Variants in ZNF320 observed in about 807,000 individuals in gnomAD.
The protein encoded by ZNF320 is zinc finger gene 320.
A neutral mutation model predicts 6.8 loss-of-function variants in ZNF320; 2 were observed. The ratio of observed to expected loss-of-function variants is 0.29; its 90% confidence interval spans 0.12 to 0.93. ZNF320 has a LOEUF of 0.93. Among genes scored for constraint, ZNF320 ranks in the 40% least tolerant of loss-of-function variants. The probability of loss-of-function intolerance (pLI) is 0.55; values close to 1 mark genes in which losing one functional copy is unlikely to be tolerated. For missense variants in ZNF320, 472 were observed against 611.0 expected, an observed-to-expected ratio of 0.77 and a Z score of 2.40; for synonymous variants, 208 against 203.2, an observed-to-expected ratio of 1.02 and a Z score of -0.20.
upstream of ZNF320, among the ~76,000 whole-genome samples, chr19:52,901,147 T>G (rs1262026748): frequency 6.6e-6 from 1 of 152,198 alleles, no homozygotes; most frequent in Middle Eastern, 3.2e-3. Context: ...CACATCAGGT[T>G]GGTTATTCCT....
At position 52,879,128 on chromosome 19, in the gene ZNF320, T is replaced by C. The variant is rs10415603; in HGVS notation, c.*1468A>G. On this transcript the variant is annotated 3_prime_UTR_variant, in exon 6 of 6. Coordinates refer to ENST00000682928, the MANE Select transcript of ZNF320 (RefSeq NM_001351774.2). ...TCAGACATGTTATAACGGATTTGTA[T>C]CAGTTTATCTTGGTGCAAAAAATGT... 1 allele frequency: 152,332 copies of C among 152,386 alleles called. 76,140 individuals are homozygous for C. The highest frequency in any genetic ancestry group is 1 in the Middle Eastern group (294 of 294). The allele number at this position is 152,386 out of a possible 1,614,324, so 9.4% of individuals were successfully genotyped here.
chr19:52,864,857 C>T (rs1391680973), intron 5 of ZNF320, among the ~76,000 whole-genome samples: 1 of 151,168 alleles, frequency 6.6e-6, no homozygotes, highest in African/African-American at 2.4e-5. Context: ...ACTAAAAGTA[C>T]AAAAAATTAG....
Position 52,880,991 on chromosome 19 carries a change from G to A in ZNF320, c.1135C>T (p.His379Tyr). Residue 379 changes from histidine (H) to tyrosine (Y), a missense_variant, in exon 6 of 6, where the codon CAT becomes TAT. Physicochemically the swap from His to Tyr is moderately conservative, Grantham distance 83 (BLOSUM62 2). Around this residue, in one of 2 missense-constraint regions of ZNF320, gnomAD observed 462 missense variants for 559.7 expected, o/e 0.83. Transcript: ENST00000682928. ...DSRLAEHQRV[H>Y]TGERPYTCNE... ...CATGTGTAAGGTCTCTCTCCAGTAT[G>A]AACTCTCTGATGTTCTGCAAGACGT... The A allele has an allele frequency of 1.2e-6, 2 of 1,614,030 alleles. No homozygotes were observed. The highest frequency in any genetic ancestry group is 2.2e-5 in the East Asian group (1 of 44,870).
At chr19:52,867,162 T>C (rs1374660116) in intron 5 of ZNF320, among the ~76,000 whole-genome samples, 1 of 151,928 alleles carries the variant, frequency 6.6e-6, no homozygotes. Context: ...AAGCCATGTT[T>C]GGATTTAATT....
chr19:52,895,290 C>T (rs888145716), intron 1 of ZNF320: 1 of 151,902 alleles, frequency 6.6e-6, no homozygotes, highest in Non-Finnish European at 1.5e-5. Flanking sequence ...CATGGAGAAA[C>T]CCCATCTCCA....
At position 52,890,205 on chromosome 19, in the gene ZNF320, A is replaced by G. The variant is rs2064241713; in HGVS notation, c.15+36T>C. The stretch of plus-strand genomic sequence containing the variant: ...CCAGGCGCCAGCATTTCTGAAAGGA[A>G]GGAGACAGAACAATCCACCGAGAAT... On this transcript the variant is annotated intron_variant, in intron 4 of 5. Coordinates refer to ENST00000682928, the MANE Select transcript of ZNF320 (RefSeq NM_001351774.2). 7 of 1,604,256 alleles carry G rather than the reference A, an allele frequency of 4.4e-6. No individual in the cohort carries two copies. In the East Asian group the frequency reaches 1.6e-4, roughly 36 times the overall value.
intron 5 of ZNF320, chr19:52,883,534 C>T: frequency 2.3e-6 from 1 of 437,830 alleles, no homozygotes; most frequent in Non-Finnish European, 4.6e-6. Flanking sequence ...AACATAAGAA[C>T]TGAAATACAT....
intron 5 of ZNF320, among the ~76,000 whole-genome samples, chr19:52,869,381 A>T (rs1039642515): frequency 6.6e-6 from 1 of 152,154 alleles, no homozygotes. Context: ...ATACACACAG[A>T]AAAAAATGAG....
In ZNF320 at chr19:52,880,698, C is replaced by A; in HGVS notation, c.1428G>T (p.Lys476Asn). Residue 476 changes from lysine (K) to asparagine (N), a missense_variant, in exon 6 of 6, where the codon AAG becomes AAT. Transcript: ENST00000682928. ...CAAGGAGTGACCTCAGACTAAAGAC[C>A]TTGCCACACTGATGACATTTGTAAG... ...QKSYKCHQCG[K>N]VFSLRSLLAE... 6.2e-7 allele frequency: 1 copy of A among 1,613,924 alleles called. No individual in the cohort carries two copies. Among genetic ancestry groups the A allele is most frequent in the Non-Finnish European group, 8.5e-7 (1 of 1,179,858 alleles).
chr19:52,878,861 T>G lies in ZNF320; in HGVS notation c.*1735A>C, dbSNP rs1410664599. The G allele has an allele frequency of 6.6e-6, 1 of 152,234 alleles. No individual in the cohort carries two copies. The highest frequency in any genetic ancestry group is 2.4e-5 in the African/African-American group (1 of 41,446). The allele number at this position is 152,234 out of a possible 1,614,324, so 9.4% of individuals were successfully genotyped here. On this transcript the variant is annotated 3_prime_UTR_variant, in exon 6 of 6. Coordinates refer to ENST00000682928, the MANE Select transcript of ZNF320 (RefSeq NM_001351774.2). Reference sequence around the variant, plus strand: ...CACAATGCCCAGCTAATTTATGTATTTTTTGTAGAGAAGGTGGTTTCACCA... The same window carrying G: ...CACAATGCCCAGCTAATTTATGTATGTTTTGTAGAGAAGGTGGTTTCACCA...
chr19:52,888,068 G>A (rs2064150351), intron 5 of ZNF320, 59 bp downstream of exon 5: 5 of 1,603,520 alleles, frequency 3.1e-6, no homozygotes, highest in East Asian at 2.2e-5. Context: ...AGAGAAACAA[G>A]AGAAAATACA....
At chr19:52,889,834 T>C (rs12459292) in intron 4 of ZNF320, among the ~76,000 whole-genome samples, 23,842 of 152,160 alleles carry the variant, frequency 0.16, 1,976 homozygotes, top group East Asian at 0.27. Context: ...TATTGGTCTC[T>C]CTTTCTAGAA....
At chr19:52,874,668 A>G (rs2063734364), downstream of ZNF320, among the ~76,000 whole-genome samples, 1 of 152,180 alleles carries the variant, frequency 6.6e-6, no homozygotes, top group South Asian at 2.1e-4. Flanking sequence ...TCCAGTGAAC[A>G]GCGAAGGAGC....
At chr19:52,894,160 TG>T (rs755365231) in intron 1 of ZNF320, 2 of 151,886 alleles carry the variant, frequency 1.3e-5, no homozygotes, top group Non-Finnish European at 2.9e-5. Flanking sequence ...CCGAGGTGGG[TG>T]GATCACTTGA....
At chr19:52,866,027 TATATATATGATTATAC>T (rs1568693868) in intron 5 of ZNF320, among the ~76,000 whole-genome samples, 2 of 120,036 alleles carry the variant, frequency 1.7e-5, no homozygotes, top group South Asian at 2.4e-4. Flanking sequence ...TATACATATT[TATATATATGATTATAC>T]ATATATATGA....
chr19:52,892,652 C>G (rs902482903), intron 2 of ZNF320, among the ~76,000 whole-genome samples: 7 of 152,142 alleles, frequency 4.6e-5, no homozygotes, highest in Non-Finnish European at 7.3e-5. Context: ...TGCTCCTTCT[C>G]CCCAATCTTT....
rs2063780926 is a variant in ZNF320 at position 52,876,827 on chromosome 19, T to G, written c.*3769A>C. 1.3e-5 allele frequency: 2 copies of G among 151,670 alleles called. No individual in the cohort carries two copies. Among genetic ancestry groups the G allele is most frequent in the South Asian group, 4.2e-4 (2 of 4,786 alleles). 9.4% of individuals were successfully genotyped at this position (151,670 alleles called of 1,614,324 possible). A position where few individuals can be genotyped will look rare whatever the true frequency, so the allele number is the denominator to read the frequency against. On this transcript the variant is annotated 3_prime_UTR_variant, in exon 6 of 6. Transcript: ENST00000682928. ...TTTTTTTTTTAAATTAAGAAACACG[T>G]TGGTCATGGTGGCTCATGGCTGTAA...
chr19:52,882,269 A>C (rs1459945670), intron 5 of ZNF320, among the ~76,000 whole-genome samples: 1 of 152,180 alleles, frequency 6.6e-6, no homozygotes. Context: ...CTTTAATCCT[A>C]AGGGGTATCA....
chr19:52,890,507 C>T, intron 3 of ZNF320, 179 bp from the exon 4 acceptor site: 1 of 521,218 alleles, frequency 1.9e-6, no homozygotes, highest in Non-Finnish European at 3.3e-6. Context: ...GGAGTCCACA[C>T]ACACGCTGCA....
Sources: allele counts gnomAD v4.1 joint callset (sites outside exome capture counted in the v4.1 genomes callset), GRCh38; gene constraint gnomAD v4.1.1; regional missense constraint gnomAD v4.1.1; transcripts MANE v1.5; gene names NCBI Gene and HGNC (gene_info 2026-07-23, HGNC 2026-07-21).